The following MAMLD1 variants were observed in gnomAD, a reference collection of about 807,000 sequenced individuals.
The protein encoded by MAMLD1 is mastermind like domain containing 1.
MAMLD1 carries 14 observed loss-of-function variants against 45.0 expected under a neutral mutation model. The observed-to-expected ratio is 0.31, with a 90% CI of 0.21 to 0.49. The LOEUF (loss-of-function observed/expected upper bound fraction) is 0.49, where lower values mean the gene tolerates loss of function less well. Ranked by LOEUF, MAMLD1 falls within the 20% of genes least tolerant of loss-of-function variation. The pLI is 0.99. For synonymous variants in MAMLD1, 254 were observed against 247.8 expected (o/e 1.02, Z -0.24); for missense variants, 543 against 603.6 (o/e 0.90, Z 1.05).
intron 1 of MAMLD1, among the ~76,000 whole-genome samples, chrX:150,380,908 C>G (rs1300878758): frequency 3.7e-5 from 4 of 108,994 alleles, no homozygotes; most frequent in African/African-American, 6.7e-5. Context: ...TGCTATGTTG[C>G]TCAGGCTGGT....
At chrX:150,431,398 G>GT (rs58560950) in intron 1 of MAMLD1, among the ~76,000 whole-genome samples, 2 of 103,207 alleles carry the variant, frequency 1.9e-5, no homozygotes, top group African/African-American at 7.1e-5. Context: ...CTTCTTCCTT[G>GT]TTTTTTTTTT....
intron 1 of MAMLD1, among the ~76,000 whole-genome samples, chrX:150,386,631 G>A (rs1299669061): frequency 1.8e-5 from 2 of 111,593 alleles, no homozygotes; most frequent in South Asian, 3.8e-4. Context: ...CAAAAAGATC[G>A]GCAGCTGGTG....
chrX:150,498,498 A>G (rs1288730651), intron 5 of MAMLD1, among the ~76,000 whole-genome samples: 1 of 112,476 alleles, frequency 8.9e-6, no homozygotes, highest in East Asian at 2.8e-4. Flanking sequence ...CTGGACTCTT[A>G]GCCACCATGC....
chrX:150,493,636 A>G lies in MAMLD1; in HGVS notation c.2041-9638A>G, dbSNP rs782513625. Among the ~76,000 whole-genome samples, 3 of 111,793 alleles carry G rather than the reference A, an allele frequency of 2.7e-5. No homozygotes were observed. In the South Asian group the frequency reaches 1.1e-3, roughly 42 times the overall value. ...ATCCTGGCTTCCAAGAGCCAACCCT[A>G]GAAATAGACCCTAGGCTCTGGCAAG... On this transcript the variant is annotated intron_variant, in intron 5 of 7. Coordinates refer to ENST00000370401, the MANE Select transcript of MAMLD1 (RefSeq NM_005491.5).
intron 1 of MAMLD1, among the ~76,000 whole-genome samples, chrX:150,399,580 GAGA>G (rs1292181876): frequency 4.5e-5 from 5 of 111,751 alleles, no homozygotes; most frequent in Non-Finnish European, 9.4e-5. Context: ...TTTGGAGACA[GAGA>G]AGGACACAGA....
At chrX:150,507,301 T>G (rs1258468582) in intron 6 of MAMLD1, among the ~76,000 whole-genome samples, 7 of 112,676 alleles carry the variant, frequency 6.2e-5, no homozygotes, top group Non-Finnish European at 1.1e-4. Context: ...GTTTTCTCCA[T>G]TTTCCAACGA....
intron 1 of MAMLD1, among the ~76,000 whole-genome samples, chrX:150,414,815 T>C (rs1240027948): frequency 8.9e-6 from 1 of 112,034 alleles, no homozygotes; most frequent in Non-Finnish European, 1.9e-5. Context: ...AGCAATCCAG[T>C]ACCATCATCT....
At chrX:150,366,708 G>A (rs2031480912) in intron 1 of MAMLD1, among the ~76,000 whole-genome samples, 1 of 111,662 alleles carries the variant, frequency 9.0e-6, no homozygotes, top group Admixed American at 9.5e-5. Flanking sequence ...ACTGCTTTGT[G>A]CTTGGTGGTT....
chrX:150,419,610 A>G (rs1251920434), intron 1 of MAMLD1, among the ~76,000 whole-genome samples: 1 of 105,289 alleles, frequency 9.5e-6, no homozygotes, highest in African/African-American at 3.4e-5. Context: ...TGCTTCCTTC[A>G]GGAGCTCTTG....
At position 150,473,785 on chromosome X, in the gene MAMLD1, G is replaced by A. The variant is rs1445530999; in HGVS notation, c.2023G>A (p.Val675Met). The change falls in exon 5 of 8, where the codon GTG becomes ATG. Residue 675 changes from valine to methionine, a missense_variant. Physicochemically the swap from Val to Met is conservative, Grantham distance 21. Coordinates refer to ENST00000370401, the MANE Select transcript of MAMLD1 (RefSeq NM_005491.5). ...TSRQDPQPGD[V>M]SPSNITHVDK... ...CAGGCAAGATCCTCAGCCTGGAGAC[G>A]TGTCACCGTCTAACATTGTGAGCCT... The A allele has an allele frequency of 8.3e-7, 1 of 1,210,419 alleles. No individual in the cohort carries two copies. Among genetic ancestry groups the A allele is most frequent in the East Asian group, 3.0e-5 (1 of 33,854 alleles).
chrX:150,390,142 T>A (rs184510817), intron 1 of MAMLD1, among the ~76,000 whole-genome samples: 6 of 111,735 alleles, frequency 5.4e-5, no homozygotes, highest in African/African-American at 2.0e-4. Flanking sequence ...CGTTGCTCAC[T>A]GTGTCCTCAA....
At chrX:150,447,639 CTG>C (rs1340202975) in intron 2 of MAMLD1, among the ~76,000 whole-genome samples, 1 of 111,527 alleles carries the variant, frequency 9.0e-6, no homozygotes, top group African/African-American at 3.3e-5. Context: ...GCAGAATGGC[CTG>C]TGAGTCCACC....
intron 1 of MAMLD1, among the ~76,000 whole-genome samples, chrX:150,417,022 T>A (rs970378066): frequency 1.8e-5 from 2 of 111,220 alleles, no homozygotes. Flanking sequence ...TCTTTTTTTT[T>A]ATTATACTTT....
intron 1 of MAMLD1, among the ~76,000 whole-genome samples, chrX:150,415,055 C>T (rs927151886): frequency 1.8e-5 from 2 of 112,102 alleles, no homozygotes; most frequent in Admixed American, 1.9e-4. Context: ...CCAACTTCAG[C>T]GCTTTTTAGA....
At chrX:150,494,596 C>T (rs961474674) in intron 5 of MAMLD1, among the ~76,000 whole-genome samples, 3 of 108,994 alleles carry the variant, frequency 2.8e-5, no homozygotes, top group Admixed American at 9.7e-5. Flanking sequence ...ACCTTAGTGG[C>T]GGGGCCGGGT....
chrX:150,408,365 C>A (rs2034046583), intron 1 of MAMLD1, among the ~76,000 whole-genome samples: 1 of 109,798 alleles, frequency 9.1e-6, no homozygotes, highest in Non-Finnish European at 1.9e-5. Flanking sequence ...TTAATTTGCT[C>A]TCCATTTTTT....
intron 1 of MAMLD1, among the ~76,000 whole-genome samples, chrX:150,370,921 G>T (rs1368812491): frequency 6.2e-5 from 7 of 112,090 alleles, no homozygotes; most frequent in Admixed American, 1.9e-4. Context: ...AGGAGGGTTT[G>T]GGAGCAAGAA....
At chrX:150,434,604 T>A (rs1407127445) in intron 1 of MAMLD1, among the ~76,000 whole-genome samples, 2 of 112,256 alleles carry the variant, frequency 1.8e-5, no homozygotes, top group Admixed American at 9.4e-5. Context: ...GATTCTGGTA[T>A]GTTGTATCTT....
At chrX:150,369,853 T>TA (rs1303993057) in intron 1 of MAMLD1, among the ~76,000 whole-genome samples, 1 of 109,325 alleles carries the variant, frequency 9.1e-6, no homozygotes. Flanking sequence ...AGCTGTTTTT[T>TA]TTTAAATCAC....
Sources: gnomAD v4.1 joint callset for allele counts (sites outside exome capture counted in the v4.1 genomes callset) on GRCh38, gnomAD v4.1.1 for gene constraint, MANE v1.5 for transcripts, NCBI Gene and HGNC (gene_info 2026-07-23, HGNC 2026-07-21) for gene names.